The following TCOF1 variants were observed in gnomAD, a reference collection of about 807,000 sequenced individuals.
TCOF1 encodes treacle ribosome biogenesis factor 1.
A neutral mutation model predicts 149.0 loss-of-function variants in TCOF1; 33 were observed. That is an observed-to-expected ratio of 0.22 (90% CI 0.17 to 0.30). The LOEUF is 0.30. Among genes scored for constraint, TCOF1 ranks in the 10% least tolerant of loss-of-function variants. The pLI is 1.00. For synonymous variants in TCOF1, 789 were observed against 738.8 expected (o/e 1.07, Z -1.10); for missense variants, 1,728 against 1,840.7 (o/e 0.94, Z 1.12).
Position 150,379,605 on chromosome 5 carries a change from C to G in TCOF1, c.2732C>G (p.Ala911Gly), listed in dbSNP as rs772086905. 6.2e-7 allele frequency: 1 copy of G among 1,614,070 alleles called. No homozygotes were observed. Among genetic ancestry groups the G allele is most frequent in the East Asian group, 2.2e-5 (1 of 44,864 alleles). ...GCCAAGGAGTCCCCCAGGAAAGGGGCTGCCCCAACACCTCCTGGGAAGACA... is the reference window on the plus strand; with the variant it reads ...GCCAAGGAGTCCCCCAGGAAAGGGGGTGCCCCAACACCTCCTGGGAAGACA... ...APAKESPRKG[A>G]APTPPGKTGP... The change falls in exon 17 of 27, where the codon GCT becomes GGT. Residue 911 changes from alanine (A) to glycine (G), a missense_variant. By Grantham distance (60) the Ala-to-Gly change is moderately conservative. Coordinates refer to ENST00000643257, the MANE Select transcript of TCOF1 (RefSeq NM_001371623.1).
intron 4 of TCOF1, 154 bp downstream of exon 4, chr5:150,368,071 T>C (rs907947218): frequency 6.6e-6 from 5 of 756,912 alleles, no homozygotes; most frequent in Non-Finnish European, 1.1e-5. Context: ...TCTTAGTCCC[T>C]TCACCTCTCT....
In TCOF1 at chr5:150,368,759, A is replaced by G; in HGVS notation, c.422A>G (p.His141Arg). The G allele has an allele frequency of 1.2e-6, 2 of 1,613,378 alleles. No homozygotes were observed. The highest frequency in any genetic ancestry group is 1.7e-6 in the Non-Finnish European group (2 of 1,179,984). ...GGCAAGACTGGGAATTCCATGCCAC[A>G]CCCTGCCACTGGGAAGACGGTGGCC... is the stretch of plus-strand genomic sequence containing the variant. ...KAGKTGNSMPHPATGKTVANL... is the reference protein window; with the variant it reads ...KAGKTGNSMPRPATGKTVANL... The change falls in exon 5 of 27, where the codon CAC becomes CGC. Residue 141 changes from histidine to arginine, a missense_variant. Around this residue, in one of 2 missense-constraint regions of TCOF1, gnomAD observed 1,696 missense variants for 1,765.4 expected, o/e 0.96. Coordinates refer to ENST00000643257, the MANE Select transcript of TCOF1 (RefSeq NM_001371623.1).
At chr5:150,373,685 G>A (rs548571683) in intron 7 of TCOF1, among the ~76,000 whole-genome samples, 1 of 152,314 alleles carries the variant, frequency 6.6e-6, no homozygotes, top group African/African-American at 2.4e-5. Flanking sequence ...AGTCCAGTGA[G>A]GGCCTCCCTC....
rs15253 is a variant in TCOF1 at position 150,396,780 on chromosome 5, C to T, written c.4283C>T (p.Thr1428Met). The change falls in exon 24 of 27, where the codon ACG becomes ATG. Residue 1428 changes from threonine (T) to methionine (M), a missense_variant. Transcript: ENST00000643257. The part of the protein sequence containing the change: ...PEEELQKGMG[T>M]VEGGDQSNPK... ...GAGGAGCTTCAGAAGGGGATGGGGA[C>T]GGTTGAAGGTGGAGATCAAAGCAAC... The T allele has an allele frequency of 3.1e-5, 50 of 1,611,412 alleles. No individual in the cohort carries two copies. The highest frequency in any genetic ancestry group is 1.7e-4 in the Middle Eastern group (1 of 6,036).
chr5:150,393,313 G>T, intron 22 of TCOF1, 59 bp from the exon 23 acceptor site: 2 of 1,606,864 alleles, frequency 1.2e-6, no homozygotes, highest in Non-Finnish European at 8.5e-7. Context: ...CATGACTCGG[G>T]CTGGGTTATG....
Position 150,378,912 on chromosome 5 carries a change from C to A in TCOF1, c.2348C>A (p.Thr783Asn). The A allele has an allele frequency of 6.2e-7, 1 of 1,614,086 alleles. No individual in the cohort carries two copies. ...EAAASPAQVK[T>N]SVKKTQAKAN... The stretch of plus-strand genomic sequence containing the variant: ...TCCCTTTTCTCCACTCAGGTGAAAA[C>A]CTCAGTAAAGAAAACCCAGGCCAAA... Residue 783 changes from threonine (T) to asparagine (N), a missense_variant, in exon 15 of 27, where the codon ACC becomes AAC. Thr to Asn is a moderately conservative substitution (Grantham distance 65). Coordinates refer to ENST00000643257, the MANE Select transcript of TCOF1 (RefSeq NM_001371623.1).
chr5:150,397,124 C>T (rs1768722366), intron 24 of TCOF1, among the ~76,000 whole-genome samples: 1 of 134,578 alleles, frequency 7.4e-6, no homozygotes, highest in East Asian at 2.3e-4. Context: ...ACGCATTGCA[C>T]TCCAGCCTGG....
In TCOF1 at chr5:150,392,748, C is replaced by G; in HGVS notation, c.3561C>G (p.Thr1187=). The G allele has an allele frequency of 6.2e-7, 1 of 1,614,078 alleles. No individual in the cohort carries two copies. ...GGACAGAGACCCTGGTGGAGGAGAC[C>G]GCAGCAGAGTCCAGCGAGGATGATG... ...PSRTETLVEE[T]AAESSEDDVV... Residue 1187 remains threonine, a synonymous_variant, in exon 22 of 27, where the codon ACC becomes ACG. Coordinates refer to ENST00000643257, the MANE Select transcript of TCOF1 (RefSeq NM_001371623.1).
At chr5:150,363,689 C>T (rs111605966) in intron 2 of TCOF1, among the ~76,000 whole-genome samples, 6 of 152,130 alleles carry the variant, frequency 3.9e-5, no homozygotes, top group South Asian at 2.1e-4. Flanking sequence ...GGGCAATCTT[C>T]GAGGGCCTCT....
At chr5:150,375,666 G>A (rs1214776056) in intron 11 of TCOF1, 55 bp from the exon 12 acceptor site, 3 of 1,613,342 alleles carry the variant, frequency 1.9e-6, no homozygotes, top group East Asian at 2.2e-5. Flanking sequence ...GTTTCTTAAT[G>A]TCTGCACACA....
intron 17 of TCOF1, chr5:150,380,068 CTCA>C: frequency 5.8e-6 from 1 of 171,092 alleles, no homozygotes; most frequent in Non-Finnish European, 1.2e-5. Flanking sequence ...GTGAGACTGT[CTCA>C]AAAAAAAAAA....
At chr5:150,384,461 G>A in intron 17 of TCOF1, 1 of 985,460 alleles carries the variant, frequency 1.0e-6, no homozygotes, top group East Asian at 1.1e-4. Context: ...GTTGCCTGGT[G>A]CTGCCCCGAC....
intron 17 of TCOF1, chr5:150,384,788 T>C: frequency 3.0e-6 from 3 of 985,454 alleles, no homozygotes; most frequent in Non-Finnish European, 3.6e-6. Context: ...GAGAGATTTT[T>C]AGTTCCTAAT....
At chr5:150,380,267 C>T (rs1233835911) in intron 17 of TCOF1, 1 of 180,414 alleles carries the variant, frequency 5.5e-6, no homozygotes, top group African/African-American at 2.4e-5. Flanking sequence ...CTAAAAGTGT[C>T]CTGGGTCTAT....
chr5:150,377,947 G>A lies in TCOF1; in HGVS notation c.2341-958G>A, dbSNP rs146864298. Among the ~76,000 whole-genome samples the A allele has an allele frequency of 3.2e-4, 49 of 152,288 alleles. No individual in the cohort carries two copies. The East Asian group carries it at 7.7e-3, about 24-fold the overall frequency. On this transcript the variant is annotated intron_variant, in intron 14 of 26. Coordinates refer to ENST00000643257, the MANE Select transcript of TCOF1 (RefSeq NM_001371623.1). ...ACATTGTGGTTGGAGAACATATTTT[G>A]TATGATTTAAATCCTTTTTTGTGTA...
Position 150,369,584 on chromosome 5 carries a change from T to A in TCOF1, c.621T>A (p.Ser207Arg). ...CCAGCGAGGACACCTCCAGCTCCAG[T>A]GATGAGACAGACGTGGAGGTAATTG... ...DSSSEDTSSS[S>R]DETDVEGKPS... The change falls in exon 6 of 27, where the codon AGT (serine) becomes AGA (arginine). Residue 207 changes from serine (S) to arginine (R), a missense_variant. This residue lies in a region of TCOF1 where 1,696 missense variants were observed against 1,765.4 expected (regional missense o/e 0.96). Coordinates refer to ENST00000643257, the MANE Select transcript of TCOF1 (RefSeq NM_001371623.1). 1 of 1,614,064 alleles carries A rather than the reference T, an allele frequency of 6.2e-7. No homozygotes were observed. Among genetic ancestry groups the A allele is most frequent in the Non-Finnish European group, 8.5e-7 (1 of 1,180,004 alleles).
At chr5:150,360,822 G>A (rs1043619614) in intron 1 of TCOF1, among the ~76,000 whole-genome samples, 1 of 149,654 alleles carries the variant, frequency 6.7e-6, no homozygotes, top group African/African-American at 2.5e-5. Flanking sequence ...CTGCAGCCTC[G>A]ATATCCTGGG....
Position 150,393,567 on chromosome 5 carries a change from G to A in TCOF1, c.3784+15G>A. Reference sequence around the variant, plus strand: ...CCCTAAAACAGGTAAGTTAAGGTCTGCAGGAGGGACATAGCAGGACACAGA... The same window carrying A: ...CCCTAAAACAGGTAAGTTAAGGTCTACAGGAGGGACATAGCAGGACACAGA... On this transcript the variant is annotated intron_variant, in intron 23 of 26. Transcript: ENST00000643257. The A allele has an allele frequency of 6.2e-7, 1 of 1,614,154 alleles. No individual in the cohort carries two copies. The highest frequency in any genetic ancestry group is 8.5e-7 in the Non-Finnish European group (1 of 1,180,012).
rs752480094 is a variant in TCOF1 at position 150,388,085 on chromosome 5, C to A, written c.3043C>A (p.Pro1015Thr). 3.1e-6 allele frequency: 5 copies of A among 1,613,068 alleles called. No individual in the cohort carries two copies. The highest frequency in any genetic ancestry group is 1.7e-5 in the Admixed American group (1 of 59,964). ...GATCCCCGCTACACAGTGCTTGACT[C>A]CTGGTGAGCGCAGCCCTTATGCAGT... ...DVIPATQCLT[P>T]GIRTNVVTMP... Residue 1015 changes from proline to threonine, a missense_variant, in exon 18 of 27, where the codon CCT becomes ACT. Pro to Thr is a conservative substitution (Grantham distance 38). Around this residue, in one of 2 missense-constraint regions of TCOF1, gnomAD observed 1,696 missense variants for 1,765.4 expected, o/e 0.96. Transcript: ENST00000643257.
Sources: allele counts gnomAD v4.1 joint callset (sites outside exome capture counted in the v4.1 genomes callset), GRCh38; gene constraint gnomAD v4.1.1; regional missense constraint gnomAD v4.1.1; transcripts MANE v1.5; gene names NCBI Gene and HGNC (gene_info 2026-07-23, HGNC 2026-07-21).